TMEM276: variants seen among roughly 807,000 people sequenced by gnomAD.
TMEM276 encodes transmembrane protein 276.
chr8:144,465,409 C>A, the TMEM276 span: 3 of 1,014,594 alleles, frequency 3.0e-6, no homozygotes, highest in Non-Finnish European at 3.5e-6. Flanking sequence ...GCGCAACGCA[C>A]CGCCCACCGC....
At chr8:144,464,938 A>T in the TMEM276 span, 1 of 1,604,114 alleles carries the variant, frequency 6.2e-7, no homozygotes, top group Admixed American at 1.7e-5. Context: ...GGACACAGAT[A>T]GGAGATACTC....
the TMEM276 span, chr8:144,465,072 G>T: frequency 6.5e-7 from 1 of 1,529,554 alleles, no homozygotes; most frequent in Non-Finnish European, 8.7e-7. Context: ...TAGACTTTCC[G>T]GATCCCTGAG....
At chr8:144,464,268 C>T in the TMEM276 span, 2 of 1,613,328 alleles carry the variant, frequency 1.2e-6, no homozygotes, top group Non-Finnish European at 8.5e-7. Context: ...CTGCCACACC[C>T]AGCATCGCCC....
chr8:144,466,562 C>G, the TMEM276 span: 1 of 1,036,788 alleles, frequency 9.6e-7, no homozygotes. Flanking sequence ...CCGCCGCCTG[C>G]CCCACCCCCA....
chr8:144,466,319 G>C, the TMEM276 span: 3 of 303,876 alleles, frequency 9.9e-6, no homozygotes, highest in Non-Finnish European at 1.6e-5. Flanking sequence ...GGGGGCGGCC[G>C]TCGCGAGCAT....
At chr8:144,465,354 G>A in the TMEM276 span, 1 of 1,073,226 alleles carries the variant, frequency 9.3e-7, no homozygotes, top group African/African-American at 1.7e-5. Context: ...CGCAGTTACC[G>A]GGCTGCGCGG....
the TMEM276 span, chr8:144,464,499 G>A: frequency 1.9e-6 from 3 of 1,612,326 alleles, no homozygotes; most frequent in South Asian, 3.3e-5. Flanking sequence ...GGCCGATGAC[G>A]GTGGCCACCC....
chr8:144,466,569 C>A, the TMEM276 span: 1 of 1,025,450 alleles, frequency 9.8e-7, no homozygotes, highest in Non-Finnish European at 1.3e-6. Context: ...CTGCCCCACC[C>A]CCACGCCGAG....
the TMEM276 span, chr8:144,464,543 G>C: frequency 6.2e-7 from 1 of 1,612,074 alleles, no homozygotes; most frequent in South Asian, 1.1e-5. Flanking sequence ...TGTGTGCTCA[G>C]CCCTGGGGCC....
the TMEM276 span, chr8:144,465,560 A>C: frequency 9.7e-6 from 1 of 102,776 alleles, no homozygotes; most frequent in Non-Finnish European, 1.4e-5. Flanking sequence ...CCTGGGGGAG[A>C]GGGTCGAGAC....
At chr8:144,464,113 GC>G in the TMEM276 span, 1 of 1,599,312 alleles carries the variant, frequency 6.3e-7, no homozygotes, top group Admixed American at 1.7e-5. Context: ...ACCCTGCCTG[GC>G]TGTATCCAAC....
the TMEM276 span, chr8:144,466,990 C>G: frequency 6.3e-7 from 1 of 1,596,752 alleles, no homozygotes; most frequent in Non-Finnish European, 8.5e-7. Context: ...GGTCGGAAGG[C>G]GCAGCCGAGG....
At chr8:144,464,526 G>C in the TMEM276 span, 4 of 1,612,198 alleles carry the variant, frequency 2.5e-6, no homozygotes, top group African/African-American at 5.3e-5. Context: ...CAGCAAGGCA[G>C]TCTTCGTGTG....
the TMEM276 span, chr8:144,466,459 A>T: frequency 7.4e-7 from 1 of 1,360,292 alleles, no homozygotes; most frequent in Non-Finnish European, 9.6e-7. Context: ...CATCTTCTAC[A>T]GCCTCTTCCG....
chr8:144,466,247 G>A, the TMEM276 span: 1 of 199,154 alleles, frequency 5.0e-6, no homozygotes, highest in Non-Finnish European at 1.0e-5. Context: ...GTGCGGCCGC[G>A]GGCACCTGTT....
At chr8:144,463,838 C>T in the TMEM276 span, 5 of 1,313,892 alleles carry the variant, frequency 3.8e-6, no homozygotes, top group South Asian at 4.4e-5. Flanking sequence ...CTGCAAAATT[C>T]CTAAGATTTA....
the TMEM276 span, chr8:144,466,984 G>T: frequency 6.3e-7 from 1 of 1,596,368 alleles, no homozygotes; most frequent in African/African-American, 1.3e-5. Context: ...AGGATGGGTC[G>T]GAAGGCGCAG....
the TMEM276 span, chr8:144,466,106 G>A: frequency 6.4e-6 from 1 of 155,682 alleles, no homozygotes; most frequent in Non-Finnish European, 1.4e-5. Context: ...CGGAGCGGTG[G>A]GGGACTACGC....
the TMEM276 span, chr8:144,463,859 G>T: frequency 7.3e-7 from 1 of 1,362,322 alleles, no homozygotes; most frequent in Non-Finnish European, 9.4e-7. Context: ...TTGGAGACTA[G>T]GCCTCTTCTC....
Sources: allele counts gnomAD v4.1 joint callset, GRCh38; gene constraint gnomAD v4.1.1; transcripts MANE v1.5; gene names NCBI Gene and HGNC (gene_info 2026-07-23, HGNC 2026-07-21).